The following ATG10 variants were observed in gnomAD, a reference collection of about 807,000 sequenced individuals.
ATG10 encodes autophagy related 10.
In ATG10, 30 loss-of-function variants were observed where a neutral mutation model predicts 32.1. That is an observed-to-expected ratio of 0.94 (90% CI 0.70 to 1.27). The LOEUF (loss-of-function observed/expected upper bound fraction) is 1.27, where lower values mean the gene tolerates loss of function less well. Ranked by LOEUF, ATG10 falls within the 50% of genes most tolerant of loss-of-function variation. The pLI, the probability that ATG10 is intolerant of heterozygous loss-of-function variation, is 0.00. For synonymous variants in ATG10, 87 were observed against 91.5 expected, an observed-to-expected ratio of 0.95 and a Z score of 0.28; for missense variants, 233 against 262.3, an observed-to-expected ratio of 0.89 and a Z score of 0.77.
chr5:82,147,235 C>T (rs1470522053), intron 3 of ATG10: 3 of 234,908 alleles, frequency 1.3e-5, no homozygotes, highest in South Asian at 4.0e-5. Flanking sequence ...GTTGCGTGAT[C>T]TCAGCTCACT....
chr5:81,997,238 C>A (rs902522978), intron 2 of ATG10, among the ~76,000 whole-genome samples: 6 of 152,342 alleles, frequency 3.9e-5, no homozygotes, highest in African/African-American at 1.4e-4. Context: ...TTGGCATCAC[C>A]CATTGGAGTG....
rs1215473175 is a variant in ATG10, at chr5:82,058,483, G to A, written c.109-12G>A. The A allele has an allele frequency of 6.3e-7, 1 of 1,578,876 alleles. No homozygotes were observed. The highest frequency in any genetic ancestry group is 8.6e-7 in the Non-Finnish European group (1 of 1,157,382). On this transcript the variant is annotated splice_polypyrimidine_tract_variant and intron_variant, in intron 2 of 7. Coordinates refer to ENST00000282185, the MANE Select transcript of ATG10 (RefSeq NM_031482.5). ...GGCATTTTCTTATATATTTTTTGGTGATGAAACACAGGACTGTTCTGATGG... is the reference window on the plus strand; with the variant it reads ...GGCATTTTCTTATATATTTTTTGGTAATGAAACACAGGACTGTTCTGATGG...
At chr5:81,984,392 G>A (rs1002872915) in intron 1 of ATG10, among the ~76,000 whole-genome samples, 1 of 152,242 alleles carries the variant, frequency 6.6e-6, no homozygotes, top group Non-Finnish European at 1.5e-5. Flanking sequence ...GTCCAGCTTC[G>A]GCTCAGCATC....
chr5:82,227,339 C>T, intron 5 of ATG10, among the ~76,000 whole-genome samples: 1 of 151,860 alleles, frequency 6.6e-6, no homozygotes, highest in East Asian at 1.9e-4. Flanking sequence ...ATCCCCAGGT[C>T]CCAATTCACA....
intron 3 of ATG10, among the ~76,000 whole-genome samples, chr5:82,069,300 G>A (rs982010829): frequency 1.3e-5 from 2 of 152,004 alleles, no homozygotes. Flanking sequence ...TACTTGTCTG[G>A]ATTTTTTTTT....
At chr5:82,139,695 C>A (rs1245148894) in intron 3 of ATG10, among the ~76,000 whole-genome samples, 6 of 145,096 alleles carry the variant, frequency 4.1e-5, no homozygotes, top group South Asian at 2.2e-4. Flanking sequence ...GCAGCCACCC[C>A]GTCCGGGAGG....
chr5:81,979,115 G>T lies in ATG10; in HGVS notation c.-13+6809G>T, dbSNP rs549710168. ...GGATTTTGCCATGTTTGCCAGGCTG[G>T]TCTTGAACTCCTGACCTCAGGTGAT... On this transcript the variant is annotated intron_variant, in intron 1 of 7. Transcript: ENST00000282185. 8.5e-5 allele frequency among the ~76,000 whole-genome samples: 13 copies of T among 152,222 alleles called. No homozygotes were observed. In the South Asian group the frequency reaches 2.7e-3, roughly 32 times the overall value.
chr5:82,021,238 C>T (rs1762423049), intron 2 of ATG10, among the ~76,000 whole-genome samples: 1 of 151,976 alleles, frequency 6.6e-6, no homozygotes, highest in Non-Finnish European at 1.5e-5. Flanking sequence ...GTAGAAGAAA[C>T]AAGGAAGGTT....
At chr5:82,170,770 A>AC (rs1490995339) in intron 4 of ATG10, among the ~76,000 whole-genome samples, 1 of 151,822 alleles carries the variant, frequency 6.6e-6, no homozygotes, top group African/African-American at 2.4e-5. Context: ...ACATGGTGAA[A>AC]CCCCATCTCT....
chr5:82,031,361 T>C (rs1762737282), intron 2 of ATG10, among the ~76,000 whole-genome samples: 1 of 152,204 alleles, frequency 6.6e-6, no homozygotes, highest in Admixed American at 6.5e-5. Flanking sequence ...GTGTTGCTAG[T>C]GTATCCAGAG....
intron 5 of ATG10, among the ~76,000 whole-genome samples, chr5:82,199,961 A>C (rs1745001803): frequency 6.6e-6 from 1 of 152,200 alleles, no homozygotes; most frequent in South Asian, 2.1e-4. Context: ...AGTATATATC[A>C]ATAGTTTATA....
intron 3 of ATG10, among the ~76,000 whole-genome samples, chr5:82,077,322 C>T (rs1048958945): frequency 2.0e-5 from 3 of 151,950 alleles, no homozygotes; most frequent in Non-Finnish European, 2.9e-5. Context: ...CAGAGCAAGA[C>T]CATCTCAAAA....
chr5:82,233,291 A>G (rs1002709570), intron 5 of ATG10, among the ~76,000 whole-genome samples: 10 of 152,154 alleles, frequency 6.6e-5, no homozygotes, highest in Admixed American at 5.9e-4. Flanking sequence ...ACCATCACCA[A>G]TGTTCTGATC....
At chr5:82,190,896 CAAAT>C (rs1744638918) in intron 5 of ATG10, among the ~76,000 whole-genome samples, 1 of 144,766 alleles carries the variant, frequency 6.9e-6, no homozygotes, top group African/African-American at 2.5e-5. Context: ...GCATTATAAA[CAAAT>C]TTCTAAGTGA....
chr5:82,214,295 G>A (rs566504802), intron 5 of ATG10, among the ~76,000 whole-genome samples: 59 of 152,234 alleles, frequency 3.9e-4, no homozygotes, highest in African/African-American at 1.3e-3. Flanking sequence ...TAAAGAATGT[G>A]CCACAAAATC....
At chr5:82,000,454 A>C (rs1189011931) in intron 2 of ATG10, among the ~76,000 whole-genome samples, 1 of 152,178 alleles carries the variant, frequency 6.6e-6, no homozygotes, top group African/African-American at 2.4e-5. Flanking sequence ...ATAGTACTGG[A>C]AGTCCTGGCC....
chr5:82,109,093 A>C (rs1765530947), intron 3 of ATG10, among the ~76,000 whole-genome samples: 1 of 152,088 alleles, frequency 6.6e-6, no homozygotes, highest in Non-Finnish European at 1.5e-5. Context: ...CCTTGGTGGA[A>C]GACTACATAT....
intron 3 of ATG10, among the ~76,000 whole-genome samples, chr5:82,141,245 AAG>A (rs1290266286): frequency 1.3e-5 from 2 of 152,068 alleles, no homozygotes; most frequent in African/African-American, 4.8e-5. Flanking sequence ...AAAAAAAAAA[AAG>A]AAAGTCGAGT....
chr5:82,055,765 C>T lies in ATG10; in HGVS notation c.109-2730C>T, dbSNP rs140149471. Among the ~76,000 whole-genome samples, 21 of 152,302 alleles carry T rather than the reference C, an allele frequency of 1.4e-4. 1 individual carries two copies. The East Asian group carries it at 4.0e-3, about 29-fold the overall frequency. Reference sequence around the variant, plus strand: ...ACCGTATAGTCATGCTGCATAATGACATTTCGGTCAAGAACAGACCACATG... The same window carrying T: ...ACCGTATAGTCATGCTGCATAATGATATTTCGGTCAAGAACAGACCACATG... On this transcript the variant is annotated intron_variant, in intron 2 of 7. Transcript: ENST00000282185.
Sources: allele counts gnomAD v4.1 joint callset (sites outside exome capture counted in the v4.1 genomes callset), GRCh38; gene constraint gnomAD v4.1.1; transcripts MANE v1.5; gene names NCBI Gene and HGNC (gene_info 2026-07-23, HGNC 2026-07-21).